FLT3: variants seen among roughly 807,000 people sequenced by gnomAD.
FLT3 encodes the protein receptor-type tyrosine-protein kinase FLT3.
In FLT3, 46 loss-of-function variants were observed where a neutral mutation model predicts 126.6. That is an observed-to-expected ratio of 0.36 (90% CI 0.29 to 0.46). FLT3 has a LOEUF of 0.46. FLT3 is among the 20% of genes least tolerant of loss of function. The pLI is 1.00. For missense variants in FLT3, 1,069 were observed against 1,190.3 expected, an observed-to-expected ratio of 0.90 and a Z score of 1.50; for synonymous variants, 404 against 434.4, an observed-to-expected ratio of 0.93 and a Z score of 0.87.
chr13:28,010,104 G>GCT (rs1287579799), intron 23 of FLT3, among the ~76,000 whole-genome samples: 2 of 152,046 alleles, frequency 1.3e-5, no homozygotes, highest in African/African-American at 4.8e-5. Context: ...TTCCTTTTAT[G>GCT]CTCTCTTTTT....
chr13:28,080,604 T>C (rs959161982), intron 1 of FLT3, among the ~76,000 whole-genome samples: 7 of 152,166 alleles, frequency 4.6e-5, no homozygotes, highest in Non-Finnish European at 1.5e-5. Context: ...TTGGCAAATA[T>C]TTTCTGCCAG....
chr13:28,020,846 T>C (rs901605420), intron 19 of FLT3, among the ~76,000 whole-genome samples: 1 of 151,918 alleles, frequency 6.6e-6, no homozygotes, highest in African/African-American at 2.4e-5. Flanking sequence ...CAGAGGAATA[T>C]CAGGGAGGGG....
At chr13:28,025,818 G>C (rs1872743795) in intron 17 of FLT3, among the ~76,000 whole-genome samples, 1 of 152,236 alleles carries the variant, frequency 6.6e-6, no homozygotes, top group East Asian at 1.9e-4. Context: ...CATAGGTTAA[G>C]GGCAGCTGCA....
Position 28,015,574 on chromosome 13 carries a change from C to A in FLT3, c.2653+16G>T. The A allele has an allele frequency of 6.6e-7, 1 of 1,515,704 alleles. No individual in the cohort carries two copies. The highest frequency in any genetic ancestry group is 2.3e-5 in the East Asian group (1 of 44,362). The allele number at this position is 1,515,704 out of a possible 1,614,324, so 93.9% of individuals were successfully genotyped here. On this transcript the variant is annotated intron_variant, in intron 21 of 23. Coordinates refer to ENST00000241453, the MANE Select transcript of FLT3 (RefSeq NM_004119.3). Reference sequence around the variant, plus strand: ...AAAGCCAGGAGCCAAGGGAGGCCAGCAGCTGCCCAACTTACCAAGTGAGAA... The same window carrying A: ...AAAGCCAGGAGCCAAGGGAGGCCAGAAGCTGCCCAACTTACCAAGTGAGAA...
chr13:28,028,143 TTTTTGATGAGGTGA>T (rs779139489), intron 16 of FLT3, 21 bp downstream of exon 16: 1 of 978,594 alleles, frequency 1.0e-6, no homozygotes, highest in Non-Finnish European at 1.7e-6. Flanking sequence ...AGCTACAGTC[TTTTTGATGAGGTGA>T]TTTTCGTGGA....
In FLT3 at chr13:28,100,363, G is replaced by T; in HGVS notation, c.43+105C>A. The stretch of plus-strand genomic sequence containing the variant: ...AGGCAATGGAAGGAGCGAGCGCGGG[G>T]AGGAGCGAGGCGGCTGGGCCGGAGG... On this transcript the variant is annotated intron_variant, in intron 1 of 23. Transcript: ENST00000241453. The surrounding 1 kb of genome is among the most constrained non-coding windows in gnomAD (Gnocchi z 4.8). The T allele has an allele frequency of 1.3e-6, 1 of 777,622 alleles. No homozygotes were observed. Among genetic ancestry groups the T allele is most frequent in the Non-Finnish European group, 1.7e-6 (1 of 579,746 alleles). 48.2% of individuals were successfully genotyped at this position (777,622 alleles called of 1,614,324 possible). A position where few individuals can be genotyped will look rare whatever the true frequency, so the allele number is the denominator to read the frequency against.
intron 1 of FLT3, among the ~76,000 whole-genome samples, chr13:28,096,240 A>G (rs1156639595): frequency 6.6e-6 from 1 of 151,996 alleles, no homozygotes; most frequent in Non-Finnish European, 1.5e-5. Flanking sequence ...CTGTAGTCCC[A>G]CAACTCAGGA....
intron 9 of FLT3, 48 bp from the exon 10 acceptor site, chr13:28,037,336 G>A: frequency 8.9e-7 from 1 of 1,117,780 alleles, no homozygotes; most frequent in South Asian, 1.2e-5. Flanking sequence ...TGCTACAGGA[G>A]ATGCTGCAAC....
chr13:28,061,767 A>C, intron 3 of FLT3, 100 bp downstream of exon 3: 1 of 869,006 alleles, frequency 1.2e-6, no homozygotes. Flanking sequence ...AGAGACCCTG[A>C]CTCACAAAAA....
intron 1 of FLT3, among the ~76,000 whole-genome samples, chr13:28,080,531 A>G (rs1372732474): frequency 6.6e-6 from 1 of 152,230 alleles, no homozygotes; most frequent in Non-Finnish European, 1.5e-5. Flanking sequence ...ACTTTGTATT[A>G]TTGAGTTTTG....
At chr13:28,034,990 G>C (rs551855159) in intron 12 of FLT3, among the ~76,000 whole-genome samples, 1 of 152,062 alleles carries the variant, frequency 6.6e-6, no homozygotes, top group South Asian at 2.1e-4. Flanking sequence ...GTACAAGTCA[G>C]AGAAAAAAGA....
At chr13:28,059,054 G>A (rs1157372841) in intron 3 of FLT3, among the ~76,000 whole-genome samples, 1 of 152,164 alleles carries the variant, frequency 6.6e-6, no homozygotes, top group Non-Finnish European at 1.5e-5. Context: ...AACAAGAAGT[G>A]AGTAATACAA....
intron 9 of FLT3, among the ~76,000 whole-genome samples, chr13:28,047,799 C>A (rs1405983190): frequency 6.6e-6 from 1 of 151,910 alleles, no homozygotes; most frequent in Non-Finnish European, 1.5e-5. Context: ...CATACAAATC[C>A]CGAGGAAAAC....
At position 28,004,316 on chromosome 13, in the gene FLT3, T is replaced by G. The variant is rs1870694520; in HGVS notation, c.2860-142A>C. ...TTTGTTTGTTTGTTGTTTGTTTGTTTATTTTTTGAGACAGAGTCTCGCTCT... is the reference window on the plus strand; with the variant it reads ...TTTGTTTGTTTGTTGTTTGTTTGTTGATTTTTTGAGACAGAGTCTCGCTCT... On this transcript the variant is annotated intron_variant, in intron 23 of 23. Transcript: ENST00000241453. 8 of 958,650 alleles carry G rather than the reference T, an allele frequency of 8.3e-6. No individual in the cohort carries two copies. In the Admixed American group the frequency reaches 1.4e-4, roughly 17 times the overall value. 59.4% of individuals were successfully genotyped at this position (958,650 alleles called of 1,614,324 possible). A position where few individuals can be genotyped will look rare whatever the true frequency, so the allele number is the denominator to read the frequency against.
Position 28,049,406 on chromosome 13 carries a change from TTGAC to T in FLT3, c.1010_1013del (p.Ser337AsnfsTer8). The T allele has an allele frequency of 6.2e-7, 1 of 1,613,872 alleles. No homozygotes were observed. The highest frequency in any genetic ancestry group is 8.5e-7 in the Non-Finnish European group (1 of 1,179,922). ...TACCTACGATGGTAACCAAAGCTGA[TTGAC>T]TGGGATGCTTTGAAGAGGAACAAGT... On this transcript the variant is annotated frameshift_variant, in exon 8 of 24. Coordinates refer to ENST00000241453, the MANE Select transcript of FLT3 (RefSeq NM_004119.3). LOFTEE classifies it high-confidence loss of function.
chr13:28,058,005 C>T (rs1876162991), intron 3 of FLT3, among the ~76,000 whole-genome samples: 1 of 151,668 alleles, frequency 6.6e-6, no homozygotes, highest in Admixed American at 6.6e-5. Flanking sequence ...CACCACTGCA[C>T]TCCAGCCTGG....
chr13:28,053,189 C>T (rs1332970911), intron 4 of FLT3, among the ~76,000 whole-genome samples: 3 of 151,742 alleles, frequency 2.0e-5, no homozygotes, highest in East Asian at 1.9e-4. Context: ...CACACACACA[C>T]ACACACACCA....
intron 9 of FLT3, among the ~76,000 whole-genome samples, chr13:28,038,258 G>C (rs781350714): frequency 6.6e-6 from 1 of 151,970 alleles, no homozygotes; most frequent in Non-Finnish European, 1.5e-5. Context: ...CAGCAGGCCT[G>C]TGGGTTGCTG....
At position 28,014,440 on chromosome 13, in the gene FLT3, G is replaced by A. The variant is rs1470718411; in HGVS notation, c.2859+12C>T. 1 of 1,575,270 alleles carries A rather than the reference G, an allele frequency of 6.3e-7. No homozygotes were observed. Among genetic ancestry groups the A allele is most frequent in the East Asian group, 2.2e-5 (1 of 44,680 alleles). On this transcript the variant is annotated intron_variant, in intron 23 of 23. Transcript: ENST00000241453. The stretch of plus-strand genomic sequence containing the variant: ...CTTTGTAAAGCTTTATAAAGTCCTG[G>A]CTGCTACATACCGCTTCTTCTGCAT...
Sources: gnomAD v4.1 joint callset for allele counts (sites outside exome capture counted in the v4.1 genomes callset) on GRCh38, gnomAD v4.1.1 for gene constraint, Gnocchi (gnomAD v3.1) non-coding constraint, MANE v1.5 for transcripts, NCBI Gene and HGNC (gene_info 2026-07-23, HGNC 2026-07-21) for gene names.